The following TTC38 variants were observed in gnomAD, a reference collection of about 807,000 sequenced individuals.
TTC38 encodes tetratricopeptide repeat domain 38.
TTC38 carries 64 observed loss-of-function variants against 64.2 expected under a neutral mutation model. The observed-to-expected ratio is 1.00, with a 90% CI of 0.81 to 1.23. The LOEUF (loss-of-function observed/expected upper bound fraction) is 1.23. Among genes scored for constraint, TTC38 ranks in the 50% most tolerant of loss-of-function variants. TTC38 has a pLI of 0.00. For missense variants in TTC38, 573 were observed against 615.5 expected (o/e 0.93, Z 0.73); for synonymous variants, 254 against 249.3 (o/e 1.02, Z -0.18).
At chr22:46,278,526 C>T (rs753740966) in intron 5 of TTC38, 60 bp from the exon 6 acceptor site, 31 of 1,423,412 alleles carry the variant, frequency 2.2e-5, no homozygotes, top group African/African-American at 8.5e-5. Flanking sequence ...TGCGGGGACA[C>T]AGTTCAACCT....
intron 5 of TTC38, among the ~76,000 whole-genome samples, chr22:46,277,054 C>CACAA (rs2147790003): frequency 6.9e-6 from 1 of 145,840 alleles, no homozygotes; most frequent in South Asian, 2.1e-4. Context: ...CATACACACA[C>CACAA]ACACACACAC....
rs766168309 is a variant in TTC38, at chr22:46,281,693, T to C, written c.710T>C (p.Met237Thr). The change falls in exon 7 of 14, where the codon ATG (methionine) becomes ACG (threonine). Residue 237 changes from methionine (M) to threonine (T), a missense_variant. By Grantham distance (81) the Met-to-Thr change is moderately conservative. This residue lies in a region of TTC38 where 371 missense variants were observed against 381.8 expected (regional missense o/e 0.97). Coordinates refer to ENST00000381031, the MANE Select transcript of TTC38 (RefSeq NM_017931.4). The surrounding 1 kb of genome is among the most constrained non-coding windows in gnomAD (Gnocchi z 5.2). ...KAEIKDGLEF[M>T]QHSETFWKDS... ...GAGATCAAGGATGGGTTGGAATTCA[T>C]GCAGCACTCAGAGACCTTCTGGAAG... 6.2e-7 allele frequency: 1 copy of C among 1,614,138 alleles called. No individual in the cohort carries two copies. Among genetic ancestry groups the C allele is most frequent in the Admixed American group, 1.7e-5 (1 of 60,034 alleles).
In TTC38 at chr22:46,268,543, C is replaced by T. The variant is rs1176804707; in HGVS notation, c.63C>T (p.Ser21=). The stretch of plus-strand genomic sequence containing the variant: ...GGAAGGATGCGAGGCTCCCGCTCTC[C>T]ACCACAAGCAACGAAGCCTGCAAGC... ...QAWKDARLPL[S]TTSNEACKLF... The change falls in exon 2 of 14, where the codon TCC becomes TCT. Residue 21 remains serine (S), a synonymous_variant. Transcript: ENST00000381031. 6.2e-7 allele frequency: 1 copy of T among 1,613,984 alleles called. No homozygotes were observed. The highest frequency in any genetic ancestry group is 8.5e-7 in the Non-Finnish European group (1 of 1,180,042).
In TTC38 at chr22:46,282,202, G is replaced by T; in HGVS notation, c.735+484G>T. On this transcript the variant is annotated intron_variant, in intron 7 of 13. Transcript: ENST00000381031. The surrounding 1 kb of genome is among the most constrained non-coding windows in gnomAD (Gnocchi z 4.4). Reference sequence around the variant, plus strand: ...TGGAGGGCATCCTAGCCCGTCACTAGCTTGAGCAAGGCCTCCAAGGCCTAC... The same window carrying T: ...TGGAGGGCATCCTAGCCCGTCACTATCTTGAGCAAGGCCTCCAAGGCCTAC... 2 of 331,850 alleles carry T rather than the reference G, an allele frequency of 6.0e-6. No individual in the cohort carries two copies. Among genetic ancestry groups the T allele is most frequent in the South Asian group, 4.5e-5 (2 of 44,402 alleles). 20.6% of individuals were successfully genotyped at this position (331,850 alleles called of 1,614,324 possible).
chr22:46,278,598 C>T lies in TTC38; in HGVS notation c.552C>T (p.Gly184=), dbSNP rs2077510406. The T allele has an allele frequency of 4.3e-6, 7 of 1,613,998 alleles. No individual in the cohort carries two copies. The highest frequency in any genetic ancestry group is 5.1e-6 in the Non-Finnish European group (6 of 1,179,880). The change falls in exon 6 of 14, where the codon GGC becomes GGT. Residue 184 remains glycine (G), a synonymous_variant. Coordinates refer to ENST00000381031, the MANE Select transcript of TTC38 (RefSeq NM_017931.4). The stretch of plus-strand genomic sequence containing the variant: ...TTTCTGTTTTTAGCTATGTGAAAGG[C>T]ATCTACTCTTTTGGCTTGATGGAAA... ...PDIPLSSYVK[G]IYSFGLMETN...
Position 46,292,134 on chromosome 22 carries a change from T to C in TTC38, c.1317-657T>C, listed in dbSNP as rs1380470604. 1 of 410,454 alleles carries C rather than the reference T, an allele frequency of 2.4e-6. No homozygotes were observed. Among genetic ancestry groups the C allele is most frequent in the Non-Finnish European group, 4.8e-6 (1 of 209,224 alleles). The allele number at this position is 410,454 out of a possible 1,614,324, so 25.4% of individuals were successfully genotyped here. ...TTCTTGCTGTGTCCTCACATGACCTTTCCTTTGAGTGCTAATTCTTTCACG... is the reference window on the plus strand; with the variant it reads ...TTCTTGCTGTGTCCTCACATGACCTCTCCTTTGAGTGCTAATTCTTTCACG... On this transcript the variant is annotated intron_variant, in intron 13 of 13. Transcript: ENST00000381031. This position sits in a 1 kb window ranked among gnomAD's most constrained non-coding sequence, Gnocchi z 6.5.
rs566420553 is a variant in TTC38 at position 46,271,008 on chromosome 22, T to A, written c.112-1327T>A. On this transcript the variant is annotated intron_variant, in intron 2 of 13. Transcript: ENST00000381031. The surrounding 1 kb of genome is among the most constrained non-coding windows in gnomAD (Gnocchi z 5.5). The stretch of plus-strand genomic sequence containing the variant: ...GCCTGGGTGACAGGGCAAGATTCTG[T>A]CTCAATTAAAAAAAAAATGATAAAA... Among the ~76,000 whole-genome samples, 6 of 145,764 alleles carry A rather than the reference T, an allele frequency of 4.1e-5. No individual in the cohort carries two copies. The South Asian group carries it at 1.2e-3, about 30-fold the overall frequency.
At position 46,282,566 on chromosome 22, in the gene TTC38, G is replaced by A. The variant is rs773127559; in HGVS notation, c.735+848G>A. ...GCAGCAAGAAATCAGGGAAGGGTGT[G>A]CACTTGGCTCCCAAGCAGGGGCCAT... On this transcript the variant is annotated intron_variant, in intron 7 of 13. Transcript: ENST00000381031. This position sits in a 1 kb window ranked among gnomAD's most constrained non-coding sequence, Gnocchi z 4.4. Among the ~76,000 whole-genome samples the A allele has an allele frequency of 1.3e-5, 2 of 152,198 alleles. No individual in the cohort carries two copies. Among genetic ancestry groups the A allele is most frequent in the African/African-American group, 4.8e-5 (2 of 41,452 alleles).
chr22:46,285,294 C>G lies in TTC38; in HGVS notation c.834+15C>G. On this transcript the variant is annotated intron_variant, in intron 9 of 13. Transcript: ENST00000381031. ...ACGATACCCACGTAAGTTGCATTCA[C>G]ACCGTGTTTGGTTTGTTGCAGCATT... 1 of 1,613,892 alleles carries G rather than the reference C, an allele frequency of 6.2e-7. No individual in the cohort carries two copies. The highest frequency in any genetic ancestry group is 8.5e-7 in the Non-Finnish European group (1 of 1,179,732).
chr22:46,278,736 C>T, intron 6 of TTC38, 75 bp downstream of exon 6: 1 of 1,209,834 alleles, frequency 8.3e-7, no homozygotes, highest in Non-Finnish European at 1.2e-6. Flanking sequence ...ATGAGGGGCA[C>T]CATTCGTGTG....
rs970535070 is a variant in TTC38, at chr22:46,281,472, C to T, written c.616-127C>T. On this transcript the variant is annotated intron_variant, in intron 6 of 13. Coordinates refer to ENST00000381031, the MANE Select transcript of TTC38 (RefSeq NM_017931.4). The surrounding 1 kb of genome is among the most constrained non-coding windows in gnomAD (Gnocchi z 5.2). ...TTGTCAGTGTTTTGAGTCAGAGCCC[C>T]GCCCCCCCACTTGCTCCACCCCGTT... is the stretch of plus-strand genomic sequence containing the variant. 19 of 1,049,188 alleles carry T rather than the reference C, an allele frequency of 1.8e-5. No individual in the cohort carries two copies. Among genetic ancestry groups the T allele is most frequent in the African/African-American group, 4.8e-5 (3 of 63,130 alleles). The allele number at this position is 1,049,188 out of a possible 1,614,324, so 65.0% of individuals were successfully genotyped here. A position where few individuals can be genotyped will look rare whatever the true frequency, so the allele number is the denominator to read the frequency against.
At chr22:46,279,247 C>A (rs755926107) in intron 6 of TTC38, among the ~76,000 whole-genome samples, 1 of 152,156 alleles carries the variant, frequency 6.6e-6, no homozygotes, top group Non-Finnish European at 1.5e-5. Context: ...CTCTGGGGGT[C>A]CCTCTCCTCT....
chr22:46,269,220 T>C, intron 2 of TTC38: 1 of 337,496 alleles, frequency 3.0e-6, no homozygotes. Context: ...GGCCTCCCAT[T>C]GTGGCCTGCT....
At chr22:46,280,831 G>A (rs533339044) in intron 6 of TTC38, among the ~76,000 whole-genome samples, 8 of 152,382 alleles carry the variant, frequency 5.2e-5, no homozygotes, top group African/African-American at 1.9e-4. Context: ...TTTGGCATGG[G>A]GGACCTGGGC....
rs754378678 is a variant in TTC38 at position 46,291,290 on chromosome 22, G to C, written c.1316+1391G>C. Among the ~76,000 whole-genome samples, 1 of 152,216 alleles carries C rather than the reference G, an allele frequency of 6.6e-6. No homozygotes were observed. Among genetic ancestry groups the C allele is most frequent in the Non-Finnish European group, 1.5e-5 (1 of 68,044 alleles). On this transcript the variant is annotated intron_variant, in intron 13 of 13. Transcript: ENST00000381031. This position sits in a 1 kb window ranked among gnomAD's most constrained non-coding sequence, Gnocchi z 4.6. Reference sequence around the variant, plus strand: ...CTCTGGCAGCAGCGGTGGGGAAAGTGGCTGTGTGGACAGGAGGGCTGAGGA... The same window carrying C: ...CTCTGGCAGCAGCGGTGGGGAAAGTCGCTGTGTGGACAGGAGGGCTGAGGA...
rs764287870 is a variant in TTC38, at chr22:46,292,216, C to T, written c.1317-575C>T. On this transcript the variant is annotated intron_variant, in intron 13 of 13. Transcript: ENST00000381031. The surrounding 1 kb of genome is among the most constrained non-coding windows in gnomAD (Gnocchi z 6.5). Reference sequence around the variant, plus strand: ...TTATATTTTTAGAGGCAAGGTCTCACTCGGTCATCCAGGTTGGAATGCAGT... The same window carrying T: ...TTATATTTTTAGAGGCAAGGTCTCATTCGGTCATCCAGGTTGGAATGCAGT... The T allele has an allele frequency of 1.3e-5, 6 of 447,256 alleles. No homozygotes were observed. The highest frequency in any genetic ancestry group is 9.7e-5 in the South Asian group (6 of 61,884). 27.7% of individuals were successfully genotyped at this position (447,256 alleles called of 1,614,324 possible).
Position 46,272,316 on chromosome 22 carries a change from T to A in TTC38, c.112-19T>A. On this transcript the variant is annotated intron_variant, in intron 2 of 13. Transcript: ENST00000381031. This position sits in a 1 kb window ranked among gnomAD's most constrained non-coding sequence, Gnocchi z 6.4. ...ATCCAAGGGCTCCGTGAGGACTTGTTTTGCTTTTCCCATTTCAGTATGTAA... is the reference window on the plus strand; with the variant it reads ...ATCCAAGGGCTCCGTGAGGACTTGTATTGCTTTTCCCATTTCAGTATGTAA... The A allele has an allele frequency of 6.2e-7, 1 of 1,609,906 alleles. No individual in the cohort carries two copies. The highest frequency in any genetic ancestry group is 8.5e-7 in the Non-Finnish European group (1 of 1,176,500).
In TTC38 at chr22:46,281,727, C is replaced by T. The variant is rs1413332337; in HGVS notation, c.735+9C>T. The T allele has an allele frequency of 7.4e-6, 12 of 1,613,568 alleles. No homozygotes were observed. The highest frequency in any genetic ancestry group is 9.3e-6 in the Non-Finnish European group (11 of 1,179,998). On this transcript the variant is annotated intron_variant, in intron 7 of 13. Coordinates refer to ENST00000381031, the MANE Select transcript of TTC38 (RefSeq NM_017931.4). This position sits in a 1 kb window ranked among gnomAD's most constrained non-coding sequence, Gnocchi z 5.2. ...CAGAGACCTTCTGGAAGGTATGATG[C>T]TTGTCAATGGGTCACCTCCCTGGGA...
Position 46,275,561 on chromosome 22 carries a change from G to A in TTC38, c.539+140G>A, listed in dbSNP as rs1936991043. ...TCTCCTAGTTCCTTAAAGTTCAAAGGCCTCATTTTCTTCACTTGATTTTCA... is the reference window on the plus strand; with the variant it reads ...TCTCCTAGTTCCTTAAAGTTCAAAGACCTCATTTTCTTCACTTGATTTTCA... On this transcript the variant is annotated intron_variant, in intron 5 of 13. Coordinates refer to ENST00000381031, the MANE Select transcript of TTC38 (RefSeq NM_017931.4). The surrounding 1 kb of genome is among the most constrained non-coding windows in gnomAD (Gnocchi z 4.5). The A allele has an allele frequency of 3.7e-6, 3 of 819,188 alleles. No individual in the cohort carries two copies. Among genetic ancestry groups the A allele is most frequent in the Non-Finnish European group, 5.6e-6 (3 of 534,774 alleles). The allele number at this position is 819,188 out of a possible 1,614,324, so 50.7% of individuals were successfully genotyped here. A position where few individuals can be genotyped will look rare whatever the true frequency, so the allele number is the denominator to read the frequency against.
Sources: allele counts gnomAD v4.1 joint callset (sites outside exome capture counted in the v4.1 genomes callset), GRCh38; gene constraint gnomAD v4.1.1; regional missense constraint gnomAD v4.1.1; non-coding constraint Gnocchi (gnomAD v3.1); transcripts MANE v1.5; gene names NCBI Gene and HGNC (gene_info 2026-07-23, HGNC 2026-07-21).